PBX1: variants seen among roughly 807,000 people sequenced by gnomAD.
PBX1 encodes the protein PBX homeobox 1.
In PBX1, 6 loss-of-function variants were observed where a neutral mutation model predicts 53.4. The ratio of observed to expected loss-of-function variants is 0.11; its 90% CI spans 0.06 to 0.22. The LOEUF (loss-of-function observed/expected upper bound fraction) is 0.22, where lower values mean the gene tolerates loss of function less well. Among genes scored for constraint, PBX1 ranks in the 10% least tolerant of loss-of-function variants. The pLI is 1.00. For synonymous variants in PBX1, 204 were observed against 212.3 expected (o/e 0.96, Z 0.34); for missense variants, 251 against 551.4 (o/e 0.46, Z 5.46).
chr1:164,771,367 G>C (rs998046719), intron 2 of PBX1: 1 of 151,954 alleles, frequency 6.6e-6, no homozygotes, highest in Non-Finnish European at 1.5e-5. Flanking sequence ...ACCAAGGAGG[G>C]TGGCTGCCTT....
Position 164,849,308 on chromosome 1 carries a change from C to T in PBX1, c.*2632C>T, listed in dbSNP as rs1160895854. ...TCACCTTTCACAGCATTTTCCCCAACCAGCATTTCACTTAGTCTTCTCTAT... is the reference window on the plus strand; with the variant it reads ...TCACCTTTCACAGCATTTTCCCCAATCAGCATTTCACTTAGTCTTCTCTAT... On this transcript the variant is annotated 3_prime_UTR_variant, in exon 9 of 9. Coordinates refer to ENST00000420696, the MANE Select transcript of PBX1 (RefSeq NM_002585.4). The T allele has an allele frequency of 2.0e-6, 3 of 1,535,124 alleles. No homozygotes were observed. Among genetic ancestry groups the T allele is most frequent in the Non-Finnish European group, 2.6e-6 (3 of 1,146,480 alleles).
intron 8 of PBX1, among the ~76,000 whole-genome samples, chr1:164,833,230 G>A (rs1454082180): frequency 1.3e-5 from 2 of 151,674 alleles, no homozygotes; most frequent in Admixed American, 1.3e-4. Flanking sequence ...AAAACCTGAA[G>A]GTAAGCAAAA....
At chr1:164,658,027 G>A (rs1351232482) in intron 2 of PBX1, among the ~76,000 whole-genome samples, 1 of 152,112 alleles carries the variant, frequency 6.6e-6, no homozygotes, top group Non-Finnish European at 1.5e-5. Flanking sequence ...GCAGATTCTG[G>A]GGGACTGGGG....
At chr1:164,857,803 C>T (rs1672010349) in intron 2 of PBX1, among the ~76,000 whole-genome samples, 1 of 152,160 alleles carries the variant, frequency 6.6e-6, no homozygotes, top group South Asian at 2.1e-4. Context: ...TCTTTCTGTG[C>T]CTCAGTTTCC....
intron 2 of PBX1, among the ~76,000 whole-genome samples, chr1:164,646,511 T>C (rs988505432): frequency 6.6e-6 from 1 of 152,092 alleles, no homozygotes; most frequent in Admixed American, 6.5e-5. Flanking sequence ...TGTGGATGCT[T>C]CTGATGGGGA....
chr1:164,735,353 G>A (rs1308149788), intron 2 of PBX1, among the ~76,000 whole-genome samples: 1 of 152,204 alleles, frequency 6.6e-6, no homozygotes, highest in African/African-American at 2.4e-5. Flanking sequence ...TTTAATGTAA[G>A]TATAGATTGG....
At chr1:164,881,926 T>C (rs1365395248) in intron 2 of PBX1, among the ~76,000 whole-genome samples, 1 of 152,124 alleles carries the variant, frequency 6.6e-6, no homozygotes, top group Non-Finnish European at 1.5e-5. Context: ...TACACTACCT[T>C]TCTACCATCA....
intron 8 of PBX1, among the ~76,000 whole-genome samples, chr1:164,823,227 T>C (rs1177338860): frequency 1.3e-5 from 2 of 152,164 alleles, no homozygotes; most frequent in African/African-American, 4.8e-5. Context: ...CTATTAGTAC[T>C]GCATTGATGG....
intron 2 of PBX1, among the ~76,000 whole-genome samples, chr1:164,565,763 T>TCC (rs1365011776): frequency 4.0e-5 from 6 of 151,172 alleles, no homozygotes; most frequent in African/African-American, 9.7e-5. Flanking sequence ...TTTTTTTTTT[T>TCC]CCCCCTCTTC....
In PBX1 at chr1:164,848,139, G is replaced by T; in HGVS notation, c.*1463G>T. 1 of 1,050,856 alleles carries T rather than the reference G, an allele frequency of 9.5e-7. No individual in the cohort carries two copies. The highest frequency in any genetic ancestry group is 1.1e-6 in the Non-Finnish European group (1 of 870,224). The allele number at this position is 1,050,856 out of a possible 1,614,324, so 65.1% of individuals were successfully genotyped here. A position where few individuals can be genotyped will look rare whatever the true frequency, so the allele number is the denominator to read the frequency against. On this transcript the variant is annotated 3_prime_UTR_variant, in exon 9 of 9. Transcript: ENST00000420696. ...CCTGAGAATCATGGGGAAAGGGAAG[G>T]TAATGTTTTCATTGAAATCATCACA... is the stretch of plus-strand genomic sequence containing the variant.
chr1:164,578,032 AC>A (rs1297515213), intron 2 of PBX1, among the ~76,000 whole-genome samples: 1 of 151,912 alleles, frequency 6.6e-6, no homozygotes, highest in Non-Finnish European at 1.5e-5. Flanking sequence ...TGATTTGGAC[AC>A]CCCCATCCTC....
chr1:164,678,035 A>G (rs970612427), intron 2 of PBX1, among the ~76,000 whole-genome samples: 8 of 152,196 alleles, frequency 5.3e-5, no homozygotes, highest in African/African-American at 1.9e-4. Context: ...CCTCTTTTCA[A>G]TTCAACATGG....
intron 2 of PBX1, chr1:164,641,117 C>T (rs996948419): frequency 1.3e-5 from 2 of 153,046 alleles, no homozygotes; most frequent in Admixed American, 6.5e-5. Flanking sequence ...TAAAATTCCA[C>T]ACCACCTGTT....
At chr1:164,717,949 T>C (rs560043728) in intron 2 of PBX1, among the ~76,000 whole-genome samples, 1 of 152,358 alleles carries the variant, frequency 6.6e-6, no homozygotes, top group East Asian at 1.9e-4. Flanking sequence ...ATTAAGCATG[T>C]ACTGTGTCAG....
chr1:164,767,938 C>G (rs1667152597), intron 2 of PBX1, among the ~76,000 whole-genome samples: 1 of 151,478 alleles, frequency 6.6e-6, no homozygotes, highest in African/African-American at 2.4e-5. Flanking sequence ...GTTGTTGAAC[C>G]AGAATGTGGT....
intron 2 of PBX1, chr1:164,774,630 A>AT (rs927438705): frequency 2.6e-5 from 4 of 152,130 alleles, no homozygotes; most frequent in Non-Finnish European, 5.9e-5. Context: ...GCAATATTCT[A>AT]TTTTTAATAA....
intron 2 of PBX1, among the ~76,000 whole-genome samples, chr1:164,871,864 C>T (rs1672390541): frequency 4.7e-5 from 1 of 21,350 alleles, no homozygotes; most frequent in African/African-American, 9.4e-5. Flanking sequence ...TATCATAGCA[C>T]ATGTTTAAAC....
intron 2 of PBX1, among the ~76,000 whole-genome samples, chr1:164,573,690 C>T (rs370832756): frequency 5.8e-4 from 88 of 151,996 alleles, no homozygotes; most frequent in Middle Eastern, 3.4e-3. Flanking sequence ...TTCACCATGT[C>T]GGCCAGGCTG....
chr1:164,627,003 A>C (rs1658091469), intron 2 of PBX1, among the ~76,000 whole-genome samples: 1 of 152,190 alleles, frequency 6.6e-6, no homozygotes, highest in Admixed American at 6.5e-5. Flanking sequence ...GAATCTTATA[A>C]ATTTAATATT....
Sources: gnomAD v4.1 joint callset for allele counts (sites outside exome capture counted in the v4.1 genomes callset) on GRCh38, gnomAD v4.1.1 for gene constraint, MANE v1.5 for transcripts, NCBI Gene and HGNC (gene_info 2026-07-23, HGNC 2026-07-21) for gene names.